Variants in INO80D observed in about 807,000 individuals in gnomAD.
INO80D encodes the protein INO80 complex subunit D.
In INO80D, 21 loss-of-function variants were observed where a neutral mutation model predicts 87.6. The ratio of observed to expected loss-of-function variants is 0.24; its 90% CI spans 0.17 to 0.35. The LOEUF (loss-of-function observed/expected upper bound fraction) is 0.35. Among genes scored for constraint, INO80D ranks in the 10% least tolerant of loss-of-function variants. INO80D has a pLI of 1.00. For missense variants in INO80D, 982 were observed against 1,280.7 expected, an observed-to-expected ratio of 0.77 and a Z score of 3.56; for synonymous variants, 440 against 491.0, an observed-to-expected ratio of 0.90 and a Z score of 1.37.
chr2:206,075,864 G>A (rs1294802684), intron 1 of INO80D, among the ~76,000 whole-genome samples: 1 of 151,634 alleles, frequency 6.6e-6, no homozygotes, highest in African/African-American at 2.4e-5. Context: ...GACCAGCCCG[G>A]CCAATATGGT....
In INO80D at chr2:206,002,828, T is replaced by C. The variant is rs754726522; in HGVS notation, c.*1540A>G. 6.6e-6 allele frequency: 1 copy of C among 152,178 alleles called. No individual in the cohort carries two copies. Among genetic ancestry groups the C allele is most frequent in the East Asian group, 1.9e-4 (1 of 5,196 alleles). The allele number at this position is 152,178 out of a possible 1,614,324, so 9.4% of individuals were successfully genotyped here. On this transcript the variant is annotated 3_prime_UTR_variant, in exon 11 of 11. Transcript: ENST00000403263. ...GTATGTTCTCTCAACTTTTAAAATA[T>C]ATATATATGTGAATTAGACTAGACT...
Position 206,085,743 on chromosome 2 carries a change from C to T in INO80D, c.-124+158G>A, listed in dbSNP as rs1347128406. On this transcript the variant is annotated intron_variant, in intron 1 of 10. Transcript: ENST00000403263. The surrounding 1 kb of genome is among the most constrained non-coding windows in gnomAD (Gnocchi z 4.5). ...GGCCTCCACCACCCGGGCGCCGGCC[C>T]CACTCACCCTTTCATTCTCCGCCCG... 1 of 151,250 alleles carries T rather than the reference C, an allele frequency of 6.6e-6. No homozygotes were observed. 9.4% of individuals were successfully genotyped at this position (151,250 alleles called of 1,614,324 possible). A position where few individuals can be genotyped will look rare whatever the true frequency, so the allele number is the denominator to read the frequency against.
rs1317802810 is a variant in INO80D, at chr2:205,997,538, A to G, written c.*6830T>C. Reference sequence around the variant, plus strand: ...TTCTTACTCGAATATAAAGAAATCTATAATTAACATAAAAAAGATTCAATA... The same window carrying G: ...TTCTTACTCGAATATAAAGAAATCTGTAATTAACATAAAAAAGATTCAATA... On this transcript the variant is annotated 3_prime_UTR_variant, in exon 11 of 11. Transcript: ENST00000403263. 6.6e-6 allele frequency: 1 copy of G among 152,146 alleles called. No individual in the cohort carries two copies. The highest frequency in any genetic ancestry group is 1.5e-5 in the Non-Finnish European group (1 of 67,986). 9.4% of individuals were successfully genotyped at this position (152,146 alleles called of 1,614,324 possible). A position where few individuals can be genotyped will look rare whatever the true frequency, so the allele number is the denominator to read the frequency against.
rs1687816465 is a variant in INO80D, at chr2:205,996,772, T to C, written c.*7596A>G. On this transcript the variant is annotated 3_prime_UTR_variant, in exon 11 of 11. Coordinates refer to ENST00000403263, the MANE Select transcript of INO80D (RefSeq NM_017759.5). Reference sequence around the variant, plus strand: ...CCATATACACATCTCTGTACAGATATACACATAAGGGTCTGTTTTCACCCT... The same window carrying C: ...CCATATACACATCTCTGTACAGATACACACATAAGGGTCTGTTTTCACCCT... 6.6e-6 allele frequency: 1 copy of C among 152,118 alleles called. No individual in the cohort carries two copies. Among genetic ancestry groups the C allele is most frequent in the South Asian group, 2.1e-4 (1 of 4,834 alleles). 9.4% of individuals were successfully genotyped at this position (152,118 alleles called of 1,614,324 possible).
intron 1 of INO80D, among the ~76,000 whole-genome samples, chr2:206,070,651 C>G (rs1200080805): frequency 6.6e-6 from 1 of 151,838 alleles, no homozygotes; most frequent in Non-Finnish European, 1.5e-5. Context: ...ACCCAGGAGG[C>G]AGAGGTTGCA....
chr2:206,065,986 G>A (rs555301140), intron 1 of INO80D, among the ~76,000 whole-genome samples: 23 of 152,240 alleles, frequency 1.5e-4, no homozygotes, highest in East Asian at 1.4e-3. Context: ...TGGGCCGGGC[G>A]CAGTGGCTCA....
At chr2:206,019,076 C>A (rs1316169207) in intron 7 of INO80D, among the ~76,000 whole-genome samples, 1 of 152,104 alleles carries the variant, frequency 6.6e-6, no homozygotes, top group African/African-American at 2.4e-5. Flanking sequence ...GCTGAACAAG[C>A]TGTTCCAAGA....
At position 206,004,966 on chromosome 2, in the gene INO80D, T is replaced by C. The variant is rs777995293; in HGVS notation, c.2486A>G (p.His829Arg). ...DHSHSSPHGS[H>R]YDSEHVPSPY... ...AGACGGCACATGCTCACTATCATAA[T>C]GGCTTCCATGGGGTGAGGAGTGTGA... is the stretch of plus-strand genomic sequence containing the variant. Residue 829 changes from histidine (H) to arginine (R), a missense_variant, in exon 11 of 11, where the codon CAT becomes CGT. Coordinates refer to ENST00000403263, the MANE Select transcript of INO80D (RefSeq NM_017759.5). The surrounding 1 kb of genome is among the most constrained non-coding windows in gnomAD (Gnocchi z 4.9). 7.4e-6 allele frequency: 12 copies of C among 1,613,906 alleles called. No homozygotes were observed. Among genetic ancestry groups the C allele is most frequent in the East Asian group, 2.2e-5 (1 of 44,892 alleles).
At chr2:206,052,054 C>T (rs765948158) in intron 4 of INO80D, among the ~76,000 whole-genome samples, 5 of 152,206 alleles carry the variant, frequency 3.3e-5, no homozygotes, top group Non-Finnish European at 5.9e-5. Flanking sequence ...TCCCTGAGCA[C>T]ATGTCTTTAT....
chr2:206,074,208 CTG>C (rs563858426), intron 1 of INO80D, among the ~76,000 whole-genome samples: 190 of 152,302 alleles, frequency 1.2e-3, no homozygotes, highest in African/African-American at 4.4e-3. Flanking sequence ...AGAATATACA[CTG>C]TTATTACCAA....
intron 1 of INO80D, among the ~76,000 whole-genome samples, chr2:206,069,003 AGTCATTTTCTTTT>A: frequency 2.0e-5 from 3 of 152,120 alleles, no homozygotes; most frequent in Non-Finnish European, 4.4e-5. Flanking sequence ...GCCTGGTCCA[AGTCATTTTCTTTT>A]AATAAATGAG....
chr2:206,011,947 T>C (rs962788569), intron 8 of INO80D, among the ~76,000 whole-genome samples: 11 of 152,204 alleles, frequency 7.2e-5, no homozygotes, highest in African/African-American at 2.7e-4. Flanking sequence ...GGAAGACTTG[T>C]GTGATGAGAC....
Position 206,028,249 on chromosome 2 carries a change from C to A in INO80D, c.1160G>T (p.Arg387Leu), listed in dbSNP as rs1284342358. The A allele has an allele frequency of 4.3e-6, 7 of 1,613,514 alleles. No individual in the cohort carries two copies. Among genetic ancestry groups the A allele is most frequent in the East Asian group, 4.5e-5 (2 of 44,898 alleles). Residue 387 changes from arginine to leucine, a missense_variant, in exon 6 of 11, where the codon CGC becomes CTC. By Grantham distance (102) the Arg-to-Leu change is moderately radical. Transcript: ENST00000403263. Reference sequence around the variant, plus strand: ...TTGACGAGATTCTGCCCGCTCCAGGCGGCAGAGGTGCTTATATTTCTGCTG... The same window carrying A: ...TTGACGAGATTCTGCCCGCTCCAGGAGGCAGAGGTGCTTATATTTCTGCTG... The part of the protein sequence containing the change: ...YFQQKYKHLC[R>L]LERAESRQKK...
At chr2:206,080,409 T>C (rs1213078052) in intron 1 of INO80D, among the ~76,000 whole-genome samples, 1 of 152,188 alleles carries the variant, frequency 6.6e-6, no homozygotes, top group Non-Finnish European at 1.5e-5. Context: ...ACTATACCTT[T>C]ATATTGGCCA....
At position 206,005,514 on chromosome 2, in the gene INO80D, G is replaced by A. The variant is rs1312724242; in HGVS notation, c.1938C>T (p.Leu646=). The A allele has an allele frequency of 3.1e-6, 5 of 1,612,054 alleles. No individual in the cohort carries two copies. The highest frequency in any genetic ancestry group is 4.2e-6 in the Non-Finnish European group (5 of 1,179,618). Residue 646 remains leucine, a synonymous_variant, in exon 11 of 11, where the codon CTC becomes CTT. Transcript: ENST00000403263. ...GCTCCTCAGCCTCTTCGGTAGTTGG[G>A]AGGAGGTCTCCATTCTTCCCTGAGT... is the stretch of plus-strand genomic sequence containing the variant. ...DFFEGKNGDL[L]PTTEEAEELE...
At chr2:206,049,069 T>A (rs1689274976) in intron 4 of INO80D, among the ~76,000 whole-genome samples, 1 of 152,186 alleles carries the variant, frequency 6.6e-6, no homozygotes, top group Non-Finnish European at 1.5e-5. Context: ...TCTTCCTTCT[T>A]GAGAACCTCA....
intron 1 of INO80D, among the ~76,000 whole-genome samples, chr2:206,084,028 GT>G (rs1455222149): frequency 6.6e-6 from 1 of 151,324 alleles, no homozygotes; most frequent in Admixed American, 6.6e-5. Context: ...GAAACATCCT[GT>G]CCCTGAAAAG....
Position 206,007,388 on chromosome 2 carries a change from T to C in INO80D, c.1814A>G (p.Asn605Ser), listed in dbSNP as rs200483639. 260 of 1,613,740 alleles carry C rather than the reference T, an allele frequency of 1.6e-4. No homozygotes were observed. The highest frequency in any genetic ancestry group is 4.9e-4 in the Middle Eastern group (3 of 6,062). ...GTCATGTGGAATGTCAGTGATCTCA[T>C]TGGCAATGTCATCCGGCAACTCATC... ...SADELPDDIA[N>S]EITDIPHDLE... The change falls in exon 10 of 11, where the codon AAT becomes AGT. Residue 605 changes from asparagine (N) to serine (S), a missense_variant. Transcript: ENST00000403263.
intron 5 of INO80D, among the ~76,000 whole-genome samples, chr2:206,043,886 G>A (rs1325100964): frequency 6.6e-6 from 1 of 152,142 alleles, no homozygotes; most frequent in Non-Finnish European, 1.5e-5. Context: ...TTGGAATAAA[G>A]ATGGAAGTTT....
Sources: allele counts gnomAD v4.1 joint callset (sites outside exome capture counted in the v4.1 genomes callset), GRCh38; gene constraint gnomAD v4.1.1; non-coding constraint Gnocchi (gnomAD v3.1); transcripts MANE v1.5; gene names NCBI Gene and HGNC (gene_info 2026-07-23, HGNC 2026-07-21).